The following ZMIZ1 variants were observed in gnomAD, a reference collection of about 807,000 sequenced individuals.
The protein encoded by ZMIZ1 is zinc finger MIZ domain-containing protein 1.
ZMIZ1 carries 17 observed loss-of-function variants against 113.9 expected under a neutral mutation model. The observed-to-expected ratio is 0.15, with a 90% CI of 0.10 to 0.22. The LOEUF is 0.22. ZMIZ1 is among the 10% of genes least tolerant of loss of function. The probability of loss-of-function intolerance (pLI) is 1.00; values close to 1 mark genes in which losing one functional copy is unlikely to be tolerated. For synonymous variants in ZMIZ1, 607 were observed against 603.1 expected (o/e 1.01, Z -0.09); for missense variants, 1,059 against 1,477.8 (o/e 0.72, Z 4.65).
intron 1 of ZMIZ1, among the ~76,000 whole-genome samples, chr10:79,114,503 G>GTGCA (rs1843921252): frequency 2.0e-5 from 1 of 50,316 alleles, no homozygotes; most frequent in Non-Finnish European, 5.2e-5. Flanking sequence ...GCGTGTGTGT[G>GTGCA]TGCGTGTGTG....
intron 7 of ZMIZ1, among the ~76,000 whole-genome samples, chr10:79,253,784 A>G (rs1199800447): frequency 6.6e-6 from 1 of 152,170 alleles, no homozygotes. Flanking sequence ...AGGAAGGATG[A>G]CTGTGACCCC....
intron 7 of ZMIZ1, among the ~76,000 whole-genome samples, chr10:79,257,093 T>G (rs1038696021): frequency 6.6e-6 from 1 of 152,190 alleles, no homozygotes; most frequent in African/African-American, 2.4e-5. Flanking sequence ...ACAACACCAA[T>G]AATTAAGCAA....
chr10:79,259,473 T>TGCTTCTCAC (rs1851125021), intron 7 of ZMIZ1, among the ~76,000 whole-genome samples: 1 of 152,210 alleles, frequency 6.6e-6, no homozygotes. Flanking sequence ...CCTCACCCTG[T>TGCTTCTCAC]GCTTCTCACT....
At chr10:79,304,260 C>T (rs904526814) in intron 19 of ZMIZ1, 85 bp downstream of exon 19, 4 of 1,523,242 alleles carry the variant, frequency 2.6e-6, no homozygotes, top group African/African-American at 2.7e-5. Context: ...GGCAACAGAG[C>T]CTGTCCTAAC....
intron 12 of ZMIZ1, chr10:79,295,067 G>T (rs1853792407): frequency 6.6e-6 from 1 of 152,178 alleles, no homozygotes; most frequent in Non-Finnish European, 1.5e-5. Context: ...TCCTGAGTTT[G>T]GGGGAGCCTC....
At chr10:79,295,918 A>G (rs985668797) in intron 12 of ZMIZ1, 1 of 152,706 alleles carries the variant, frequency 6.5e-6, no homozygotes, top group African/African-American at 2.4e-5. Context: ...TTCCTTCACC[A>G]ACCTGGCTCT....
intron 1 of ZMIZ1, among the ~76,000 whole-genome samples, chr10:79,115,049 A>G (rs1192788337): frequency 6.6e-6 from 1 of 152,232 alleles, no homozygotes; most frequent in East Asian, 1.9e-4. Flanking sequence ...TGGGTTTAAC[A>G]ATCAGCCCAG....
intron 18 of ZMIZ1, among the ~76,000 whole-genome samples, chr10:79,303,314 T>C (rs530131534): frequency 1.6e-4 from 25 of 151,880 alleles, no homozygotes; most frequent in African/African-American, 5.5e-4. Context: ...ATTAGCCAGG[T>C]GTGGTGGTTT....
chr10:79,253,286 A>G (rs1262987570), intron 7 of ZMIZ1, among the ~76,000 whole-genome samples: 4 of 152,164 alleles, frequency 2.6e-5, no homozygotes, highest in Non-Finnish European at 5.9e-5. Context: ...GGTCGTTTGC[A>G]AGTTGAATGG....
chr10:79,212,812 C>G (rs1017017452), intron 6 of ZMIZ1, among the ~76,000 whole-genome samples: 6 of 151,962 alleles, frequency 3.9e-5, no homozygotes, highest in Admixed American at 2.0e-4. Flanking sequence ...GCTATGTTTG[C>G]CAGGCTGGTC....
At chr10:79,242,686 C>T (rs1162349654) in intron 7 of ZMIZ1, among the ~76,000 whole-genome samples, 1 of 152,016 alleles carries the variant, frequency 6.6e-6, no homozygotes, top group African/African-American at 2.4e-5. Flanking sequence ...AAGTCATCCA[C>T]CGCCAGCGCC....
chr10:79,114,567 G>T (rs1843935406), intron 1 of ZMIZ1, among the ~76,000 whole-genome samples: 2 of 143,976 alleles, frequency 1.4e-5, no homozygotes, highest in African/African-American at 2.5e-5. Flanking sequence ...AGGGAGGGAG[G>T]GAAGGGGCGG....
intron 7 of ZMIZ1, among the ~76,000 whole-genome samples, chr10:79,268,441 G>A (rs1272485347): frequency 6.6e-6 from 1 of 152,236 alleles, no homozygotes; most frequent in East Asian, 1.9e-4. Context: ...AGGCCGCTGA[G>A]CGCCTGGTCA....
At chr10:79,250,009 C>T (rs1850449738) in intron 7 of ZMIZ1, among the ~76,000 whole-genome samples, 1 of 152,184 alleles carries the variant, frequency 6.6e-6, no homozygotes, top group African/African-American at 2.4e-5. Flanking sequence ...GCTACTTGTC[C>T]CTGCCTGGCA....
At chr10:79,129,914 C>T (rs1844680089) in intron 2 of ZMIZ1, among the ~76,000 whole-genome samples, 1 of 152,242 alleles carries the variant, frequency 6.6e-6, no homozygotes, top group South Asian at 2.1e-4. Context: ...CTGCAGTGCC[C>T]TCCCACAAGA....
intron 7 of ZMIZ1, among the ~76,000 whole-genome samples, chr10:79,268,701 T>C (rs1362899283): frequency 4.6e-5 from 7 of 152,124 alleles, no homozygotes; most frequent in Non-Finnish European, 8.8e-5. Flanking sequence ...TGGCCCAAGA[T>C]TCGTGTCTGC....
chr10:79,196,421 A>G (rs550515955), intron 4 of ZMIZ1, among the ~76,000 whole-genome samples: 164 of 152,298 alleles, frequency 1.1e-3, no homozygotes, highest in African/African-American at 3.9e-3. Context: ...CAAAACACTG[A>G]TGGGCCCCAG....
chr10:79,157,338 G>C (rs1367349765), intron 3 of ZMIZ1, among the ~76,000 whole-genome samples: 1 of 151,168 alleles, frequency 6.6e-6, no homozygotes, highest in Non-Finnish European at 1.5e-5. Context: ...CGTTTGAGCA[G>C]GTTGAATGGT....
At chr10:79,242,143 G>T (rs772771669) in intron 7 of ZMIZ1, among the ~76,000 whole-genome samples, 2 of 152,150 alleles carry the variant, frequency 1.3e-5, no homozygotes, top group Non-Finnish European at 2.9e-5. Flanking sequence ...ACAGCAGGTG[G>T]GCTTCCAGGG....
Sources: gnomAD v4.1 joint callset for allele counts (sites outside exome capture counted in the v4.1 genomes callset) on GRCh38, gnomAD v4.1.1 for gene constraint, MANE v1.5 for transcripts, NCBI Gene and HGNC (gene_info 2026-07-23, HGNC 2026-07-21) for gene names.